The following ACSF3 variants were observed in gnomAD, a reference collection of about 807,000 sequenced individuals.
The protein encoded by ACSF3 is acyl-CoA synthetase family member 3.
In ACSF3, 78 loss-of-function variants were observed where a neutral mutation model predicts 53.2. That is an observed-to-expected ratio of 1.47 (90% confidence interval 1.22 to 1.77). The LOEUF (loss-of-function observed/expected upper bound fraction) is 1.77. Ranked by LOEUF, ACSF3 falls within the 40% of genes most tolerant of loss-of-function variation. ACSF3 has a pLI of 0.00. For synonymous variants in ACSF3, 414 were observed against 333.1 expected, an observed-to-expected ratio of 1.24 and a Z score of -2.65; for missense variants, 937 against 771.1, an observed-to-expected ratio of 1.22 and a Z score of -2.55.
In ACSF3 at chr16:89,155,757, C is replaced by T. The variant is rs1010143365; in HGVS notation, c.*1550C>T. 6.6e-6 allele frequency: 3 copies of T among 451,724 alleles called. No homozygotes were observed. Among genetic ancestry groups the T allele is most frequent in the African/African-American group, 6.1e-5 (3 of 49,582 alleles). The allele number at this position is 451,724 out of a possible 1,614,324, so 28.0% of individuals were successfully genotyped here. On this transcript the variant is annotated 3_prime_UTR_variant, in exon 11 of 11. Transcript: ENST00000614302. ...AACATAGCAAAATTTTTACTTAATT[C>T]CACTAATTTTACATTTGCATCTCTC...
At chr16:89,096,746 AC>A (rs1555558335) in intron 1 of ACSF3, among the ~76,000 whole-genome samples, 4 of 151,784 alleles carry the variant, frequency 2.6e-5, no homozygotes. Context: ...CCCTCGGCCG[AC>A]TCTGGCTAGG....
Position 89,150,822 on chromosome 16 carries a change from CCTG to C in ACSF3, c.1614-3265_1614-3263del, listed in dbSNP as rs1383192300. On this transcript the variant is annotated intron_variant, in intron 10 of 10. Coordinates refer to ENST00000614302, the MANE Select transcript of ACSF3 (RefSeq NM_001243279.3). ...AGCTACCTCCCCTGCAGCCCTGAGTCCTGCTTGCTGTGCCCGGCTCAGGCTGAG... is the reference window on the plus strand; with the variant it reads ...AGCTACCTCCCCTGCAGCCCTGAGTCCTTGCTGTGCCCGGCTCAGGCTGAG... The C allele has an allele frequency of 7.0e-6, 3 of 427,830 alleles. No individual in the cohort carries two copies. In the East Asian group the frequency reaches 2.1e-4, roughly 31 times the overall value. 26.5% of individuals were successfully genotyped at this position (427,830 alleles called of 1,614,324 possible). A position where few individuals can be genotyped will look rare whatever the true frequency, so the allele number is the denominator to read the frequency against.
chr16:89,140,316 C>A lies in ACSF3; in HGVS notation c.1367-4951C>A, dbSNP rs183790108. 3.4e-3 allele frequency among the ~76,000 whole-genome samples: 518 copies of A among 152,334 alleles called. 9 individuals carry two copies. Among genetic ancestry groups the A allele is most frequent in the Admixed American group, 0.025 (380 of 15,306 alleles). On this transcript the variant is annotated intron_variant, in intron 8 of 10. Coordinates refer to ENST00000614302, the MANE Select transcript of ACSF3 (RefSeq NM_001243279.3). ...TGGAGGCTTTCACGTAACTTGGTTT[C>A]CAGCTGCCTCTGTACACACACAGGC...
chr16:89,130,202 T>C (rs1908992850), intron 7 of ACSF3, among the ~76,000 whole-genome samples: 1 of 152,266 alleles, frequency 6.6e-6, no homozygotes, highest in Non-Finnish European at 1.5e-5. Flanking sequence ...AGAATGTCTT[T>C]ATCTTCCTTC....
chr16:89,136,853 G>A (rs972031485), intron 8 of ACSF3: 1 of 1,280,096 alleles, frequency 7.8e-7, no homozygotes, highest in Non-Finnish European at 1.0e-6. Flanking sequence ...CGGCCACAAC[G>A]ATGTCTTCAG....
chr16:89,139,899 C>T (rs1398784856), intron 8 of ACSF3, among the ~76,000 whole-genome samples: 1 of 152,094 alleles, frequency 6.6e-6, no homozygotes, highest in Non-Finnish European at 1.5e-5. Flanking sequence ...AACCATGACC[C>T]CCTCTTTTTA....
rs1208467786 is a variant in ACSF3 at position 89,093,944 on chromosome 16, A to C, written c.-246A>C. The C allele has an allele frequency of 6.1e-6, 2 of 326,012 alleles. No homozygotes were observed. Among genetic ancestry groups the C allele is most frequent in the Non-Finnish European group, 1.3e-5 (2 of 156,270 alleles). 20.2% of individuals were successfully genotyped at this position (326,012 alleles called of 1,614,324 possible). A position where few individuals can be genotyped will look rare whatever the true frequency, so the allele number is the denominator to read the frequency against. On this transcript the variant is annotated 5_prime_UTR_variant, in exon 1 of 11. Transcript: ENST00000614302. ...CCCGGCGCGCGCGCGGCGGAGGACGAGGAAGAGTTGTGGCGAGGCAGATCC... is the reference window on the plus strand; with the variant it reads ...CCCGGCGCGCGCGCGGCGGAGGACGCGGAAGAGTTGTGGCGAGGCAGATCC...
At chr16:89,146,604 C>T (rs538320984) in intron 10 of ACSF3, among the ~76,000 whole-genome samples, 53 of 152,354 alleles carry the variant, frequency 3.5e-4, no homozygotes, top group African/African-American at 1.1e-3. Flanking sequence ...GTCAGTTCCA[C>T]GGAGACCCCA....
chr16:89,139,591 GT>G (rs56177880), intron 8 of ACSF3, among the ~76,000 whole-genome samples: 5,438 of 111,128 alleles, frequency 0.049, 123 homozygotes, highest in East Asian at 0.16. Flanking sequence ...TTTTTTTTCT[GT>G]TTTTTTTTTT....
intron 6 of ACSF3, 107 bp downstream of exon 6, chr16:89,114,594 A>C (rs1182472275): frequency 6.5e-7 from 1 of 1,536,750 alleles, no homozygotes; most frequent in Non-Finnish European, 8.8e-7. Flanking sequence ...GGCATGGAGG[A>C]TGCTCCCCCG....
At chr16:89,141,352 G>T (rs1328346586) in intron 8 of ACSF3, 6 of 1,253,530 alleles carry the variant, frequency 4.8e-6, no homozygotes, top group Non-Finnish European at 6.3e-6. Context: ...TCTGTGCTGA[G>T]AAGCTAGAAC....
intron 4 of ACSF3, among the ~76,000 whole-genome samples, chr16:89,111,723 T>C (rs1233351682): frequency 6.6e-6 from 1 of 152,262 alleles, no homozygotes; most frequent in African/African-American, 2.4e-5. Context: ...TGCCTGTCCA[T>C]ACTGGGAAGC....
In ACSF3 at chr16:89,100,660, A is replaced by G; in HGVS notation, c.-20-2A>G. Reference sequence around the variant, plus strand: ...CACGTCCTGTGCCTTGCCTTTCTCCAGCTCGGCCGCCTGTCAGTGCAATGC... The same window carrying G: ...CACGTCCTGTGCCTTGCCTTTCTCCGGCTCGGCCGCCTGTCAGTGCAATGC... On this transcript the variant is annotated splice_acceptor_variant, in intron 2 of 10. Transcript: ENST00000614302. LOFTEE classifies it low-confidence loss of function (5UTR_SPLICE). 1 of 1,455,410 alleles carries G rather than the reference A, an allele frequency of 6.9e-7. No individual in the cohort carries two copies. The highest frequency in any genetic ancestry group is 9.0e-7 in the Non-Finnish European group (1 of 1,109,950). 90.2% of individuals were successfully genotyped at this position (1,455,410 alleles called of 1,614,324 possible). A position where few individuals can be genotyped will look rare whatever the true frequency, so the allele number is the denominator to read the frequency against.
At chr16:89,153,728 G>T (rs1047240590) in intron 10 of ACSF3, 2 of 344,798 alleles carry the variant, frequency 5.8e-6, no homozygotes, top group African/African-American at 4.2e-5. Context: ...AGTGAAATGG[G>T]GCCTTCCAGC....
chr16:89,132,254 G>T (rs1484621143), intron 7 of ACSF3, among the ~76,000 whole-genome samples: 2 of 152,206 alleles, frequency 1.3e-5, no homozygotes, highest in Non-Finnish European at 2.9e-5. Flanking sequence ...TTGACCTCCG[G>T]GGTCACAGCC....
chr16:89,114,372 C>A lies in ACSF3; in HGVS notation c.1011C>A (p.Leu337=). The change falls in exon 6 of 11, where the codon CTC becomes CTA. Residue 337 remains leucine (L), a synonymous_variant. Transcript: ENST00000614302. ...TCTCAGGCTCAGCTGCCCTGCCCCTCCCAGTGCTGGAGAAGTGGAAGAACA... is the reference window on the plus strand; with the variant it reads ...TCTCAGGCTCAGCTGCCCTGCCCCTACCAGTGCTGGAGAAGTGGAAGAACA... ...LMVSGSAALP[L]PVLEKWKNIT... 2 of 1,614,116 alleles carry A rather than the reference C, an allele frequency of 1.2e-6. No homozygotes were observed. The highest frequency in any genetic ancestry group is 2.2e-5 in the South Asian group (2 of 91,088).
chr16:89,125,746 T>A (rs1907905502), intron 7 of ACSF3, among the ~76,000 whole-genome samples: 1 of 151,774 alleles, frequency 6.6e-6, no homozygotes, highest in Admixed American at 6.6e-5. Flanking sequence ...GCCATTCTGA[T>A]CGGGGAGATC....
intron 9 of ACSF3, 126 bp downstream of exon 9, chr16:89,145,527 A>C (rs1597248105): frequency 8.3e-7 from 1 of 1,202,052 alleles, no homozygotes. Context: ...TGTGATGCTC[A>C]CCTCTGGTCC....
chr16:89,137,089 G>C (rs1177375720), intron 8 of ACSF3, among the ~76,000 whole-genome samples: 1 of 152,170 alleles, frequency 6.6e-6, no homozygotes, highest in African/African-American at 2.4e-5. Flanking sequence ...AGCAGCAGCA[G>C]CAGCAGCCCC....
Sources: gnomAD v4.1 joint callset for allele counts (sites outside exome capture counted in the v4.1 genomes callset) on GRCh38, gnomAD v4.1.1 for gene constraint, MANE v1.5 for transcripts, NCBI Gene and HGNC (gene_info 2026-07-23, HGNC 2026-07-21) for gene names.